PDE1C: variants seen among roughly 807,000 people sequenced by gnomAD.
The protein encoded by PDE1C is dual specificity calcium/calmodulin-dependent 3',5'-cyclic nucleotide phosphodiesterase 1C.
In PDE1C, 62 loss-of-function variants were observed where a neutral mutation model predicts 93.1. The observed-to-expected ratio is 0.67, with a 90% CI of 0.54 to 0.82. The LOEUF is 0.82. Among genes scored for constraint, PDE1C ranks in the 40% least tolerant of loss-of-function variants. The probability of loss-of-function intolerance (pLI) is 0.00; values close to 1 mark genes in which losing one functional copy is unlikely to be tolerated. For missense variants in PDE1C, 742 were observed against 884.6 expected, an observed-to-expected ratio of 0.84 and a Z score of 2.04; for synonymous variants, 325 against 310.1, an observed-to-expected ratio of 1.05 and a Z score of -0.50.
rs1448237112 is a variant in PDE1C, at chr7:31,866,642, A to G, written c.610-1560T>C. ...GCATCTGGCACTCACCTCCTCCACA[A>G]AAAAGAACCAAAATAGCAAGTAGAT... On this transcript the variant is annotated intron_variant, in intron 6 of 17. Coordinates refer to ENST00000396191, the MANE Select transcript of PDE1C (RefSeq NM_001191057.4). 2.6e-5 allele frequency among the ~76,000 whole-genome samples: 4 copies of G among 152,310 alleles called. No individual in the cohort carries two copies. In the East Asian group the frequency reaches 7.7e-4, roughly 29 times the overall value.
rs758493372 is a variant in PDE1C at position 32,209,065 on chromosome 7, G to A, written c.136+424C>T. 5.3e-4 allele frequency among the ~76,000 whole-genome samples: 81 copies of A among 152,292 alleles called. No individual in the cohort carries two copies. In the Middle Eastern group the frequency reaches 0.014, roughly 26 times the overall value. ...ACTTTATCTTCATAAAACATTCATTGAAAGATTGAAAGGATAGTCCTAGCA... is the reference window on the plus strand; with the variant it reads ...ACTTTATCTTCATAAAACATTCATTAAAAGATTGAAAGGATAGTCCTAGCA... On this transcript the variant is annotated intron_variant, in intron 2 of 18. Transcript: ENST00000396193.
chr7:32,179,362 C>A (rs889491282), intron 2 of PDE1C, among the ~76,000 whole-genome samples: 4 of 150,566 alleles, frequency 2.7e-5, no homozygotes, highest in Admixed American at 2.0e-4. Flanking sequence ...CAGGTTCAAG[C>A]GATTTCTCCT....
intron 2 of PDE1C, among the ~76,000 whole-genome samples, chr7:31,905,050 T>TA (rs1273154365): frequency 6.6e-6 from 1 of 152,182 alleles, no homozygotes. Context: ...CTTGGCCTCA[T>TA]ACAGCTCACA....
chr7:32,318,365 G>T (rs893266356), intron 1 of PDE1C, among the ~76,000 whole-genome samples: 1 of 151,938 alleles, frequency 6.6e-6, no homozygotes, highest in Non-Finnish European at 1.5e-5. Context: ...TCCCCAAACC[G>T]CTCAGCCCAA....
intron 2 of PDE1C, among the ~76,000 whole-genome samples, chr7:31,917,877 A>G (rs566783753): frequency 1.6e-4 from 24 of 152,328 alleles, no homozygotes; most frequent in African/African-American, 5.5e-4. Context: ...GTGAGAAATA[A>G]CATATTGAAT....
At chr7:31,677,416 T>C in the PDE1C span, among the ~76,000 whole-genome samples, 1 of 152,132 alleles carries the variant, frequency 6.6e-6, no homozygotes, top group Non-Finnish European at 1.5e-5. Context: ...TATCAACCAA[T>C]AGACTGTAAT....
chr7:31,942,077 C>T (rs745472238), intron 2 of PDE1C, among the ~76,000 whole-genome samples: 4 of 152,132 alleles, frequency 2.6e-5, no homozygotes, highest in Non-Finnish European at 5.9e-5. Context: ...GGGAGGAAAT[C>T]TTTCTTTCTG....
chr7:32,298,423 T>C (rs1393400853), intron 1 of PDE1C, among the ~76,000 whole-genome samples: 6 of 152,002 alleles, frequency 3.9e-5, no homozygotes, highest in Admixed American at 2.6e-4. Flanking sequence ...AAAACCAGCT[T>C]CCGCGCGACG....
intron 2 of PDE1C, among the ~76,000 whole-genome samples, chr7:32,003,782 T>C (rs1785790157): frequency 6.6e-6 from 1 of 152,234 alleles, no homozygotes; most frequent in Admixed American, 6.5e-5. Context: ...CTACCATATG[T>C]CACACACTGT....
intron 11 of PDE1C, among the ~76,000 whole-genome samples, chr7:31,829,911 T>C (rs999206654): frequency 6.6e-6 from 1 of 152,098 alleles, no homozygotes; most frequent in Non-Finnish European, 1.5e-5. Context: ...ACAAAACCCT[T>C]TTTATTCCCA....
chr7:32,027,956 T>C (rs941304314), intron 2 of PDE1C, among the ~76,000 whole-genome samples: 1 of 152,082 alleles, frequency 6.6e-6, no homozygotes, highest in African/African-American at 2.4e-5. Flanking sequence ...CACCTTTAGG[T>C]ACTAAAGGTG....
chr7:32,271,596 C>T (rs948228352), intron 1 of PDE1C, among the ~76,000 whole-genome samples: 1 of 152,106 alleles, frequency 6.6e-6, no homozygotes, highest in Admixed American at 6.5e-5. Flanking sequence ...AATTAAGTAA[C>T]GTTCTTGTGA....
At chr7:32,335,384 A>T (rs2128078260) in intron 1 of PDE1C, among the ~76,000 whole-genome samples, 1 of 152,342 alleles carries the variant, frequency 6.6e-6, no homozygotes, top group South Asian at 2.1e-4. Flanking sequence ...CACCAAGGCC[A>T]GGAGTGTTTG....
intron 2 of PDE1C, among the ~76,000 whole-genome samples, chr7:32,175,049 C>T (rs1397530222): frequency 6.6e-6 from 1 of 152,012 alleles, no homozygotes; most frequent in Non-Finnish European, 1.5e-5. Flanking sequence ...TTAAGGGCTC[C>T]CAAATGAAAA....
intron 1 of PDE1C, among the ~76,000 whole-genome samples, chr7:32,226,399 A>C (rs1364028892): frequency 6.6e-6 from 1 of 152,226 alleles, no homozygotes; most frequent in Non-Finnish European, 1.5e-5. Flanking sequence ...AACTAATACA[A>C]AGAATTTTAA....
intron 3 of PDE1C, among the ~76,000 whole-genome samples, chr7:32,119,819 C>T (rs978513586): frequency 6.6e-5 from 10 of 152,218 alleles, no homozygotes; most frequent in Non-Finnish European, 1.3e-4. Flanking sequence ...CCTTGAAGTC[C>T]TGCGGATTCT....
At chr7:32,074,768 T>A (rs956483619), upstream of PDE1C, among the ~76,000 whole-genome samples, 1 of 152,114 alleles carries the variant, frequency 6.6e-6, no homozygotes, top group African/African-American at 2.4e-5. Flanking sequence ...TGGAGGCAGG[T>A]GATTCCAGAG....
intron 1 of PDE1C, among the ~76,000 whole-genome samples, chr7:32,240,194 C>T (rs545905665): frequency 6.6e-6 from 1 of 152,224 alleles, no homozygotes; most frequent in African/African-American, 2.4e-5. Context: ...GGTGTATGCA[C>T]ATTATATTAT....
At chr7:31,750,936 C>T (rs1794113132), downstream of PDE1C, among the ~76,000 whole-genome samples, 1 of 152,178 alleles carries the variant, frequency 6.6e-6, no homozygotes, top group South Asian at 2.1e-4. Context: ...GTTGATAATA[C>T]AGGTGTTCAC....
Sources: gnomAD v4.1 joint callset for allele counts (sites outside exome capture counted in the v4.1 genomes callset) on GRCh38, gnomAD v4.1.1 for gene constraint, MANE v1.5 for transcripts, NCBI Gene and HGNC (gene_info 2026-07-23, HGNC 2026-07-21) for gene names.